Variants in KIF16B observed in about 807,000 individuals in gnomAD.
KIF16B encodes the protein kinesin family member 16B.
Under a neutral mutation model 156.3 loss-of-function variants are expected in KIF16B, and 98 were observed. The observed-to-expected ratio is 0.63, with a 90% CI of 0.53 to 0.74. The LOEUF (loss-of-function observed/expected upper bound fraction) is 0.74, where lower values mean the gene tolerates loss of function less well. Among genes scored for constraint, KIF16B ranks in the 30% least tolerant of loss-of-function variants. The probability of loss-of-function intolerance (pLI) is 0.00; values close to 1 mark genes in which losing one functional copy is unlikely to be tolerated. For missense variants in KIF16B, 1,421 were observed against 1,606.5 expected, an observed-to-expected ratio of 0.88 and a Z score of 1.97; for synonymous variants, 564 against 583.7, an observed-to-expected ratio of 0.97 and a Z score of 0.49.
intron 12 of KIF16B, among the ~76,000 whole-genome samples, chr20:16,444,491 T>G (rs555184525): frequency 1.3e-5 from 2 of 152,352 alleles, no homozygotes; most frequent in South Asian, 4.1e-4. Context: ...CATTTACAAA[T>G]TGCCTGCTGC....
chr20:16,350,299 C>T (rs1038472747), intron 23 of KIF16B, among the ~76,000 whole-genome samples: 1 of 152,168 alleles, frequency 6.6e-6, no homozygotes, highest in Non-Finnish European at 1.5e-5. Flanking sequence ...CGGAGCGTAG[C>T]CGGAATGCAG....
In KIF16B at chr20:16,378,825, GGCTTCCT is replaced by G; in HGVS notation, c.3170_3176del (p.Gln1057ProfsTer9). 6.2e-7 allele frequency: 1 copy of G among 1,610,948 alleles called. No homozygotes were observed. The highest frequency in any genetic ancestry group is 1.1e-5 in the South Asian group (1 of 90,476). Reference sequence around the variant, plus strand: ...CTCACCTCTCCTGGTCCTTCTCCAGGGCTTCCTGCTCAGCCTCCAGGCTAGCCTGGAG... The same window carrying G: ...CTCACCTCTCCTGGTCCTTCTCCAGGGCTCAGCCTCCAGGCTAGCCTGGAG... On this transcript the variant is annotated frameshift_variant, in exon 19 of 26. Transcript: ENST00000354981. LOFTEE classifies it high-confidence loss of function.
intron 12 of KIF16B, 111 bp downstream of exon 12, chr20:16,494,180 C>G: frequency 1.5e-6 from 1 of 670,370 alleles, no homozygotes; most frequent in Non-Finnish European, 2.6e-6. Context: ...TTCCAGTGAT[C>G]TTACCTTAAC....
rs551439962 is a variant in KIF16B, at chr20:16,405,740, T to C, written c.1695+634A>G. Among the ~76,000 whole-genome samples, 11 of 152,256 alleles carry C rather than the reference T, an allele frequency of 7.2e-5. No individual in the cohort carries two copies. In the East Asian group the frequency reaches 9.7e-4, roughly 13 times the overall value. ...AACGGCTGCTGCACAGATAAAGAGATAGAATATATGTACAAGTTTAGCACC... is the reference window on the plus strand; with the variant it reads ...AACGGCTGCTGCACAGATAAAGAGACAGAATATATGTACAAGTTTAGCACC... On this transcript the variant is annotated intron_variant, in intron 16 of 25. Transcript: ENST00000354981.
At chr20:16,486,503 C>A (rs1434972912) in intron 12 of KIF16B, among the ~76,000 whole-genome samples, 2 of 152,110 alleles carry the variant, frequency 1.3e-5, no homozygotes, top group Non-Finnish European at 2.9e-5. Flanking sequence ...TTTAAAATTA[C>A]AAAAATAAAT....
Position 16,346,440 on chromosome 20 carries a change from T to TTGTACAAGTA in KIF16B, c.3621+9889_3621+9890insTACTTGTACA, listed in dbSNP as rs1322440043. ...ATCACCGACAAGTACAGAAGGTGCC[T>TTGTACAAGTA]CAGAGCCTCAGGCTTGTGAACCTGG... On this transcript the variant is annotated intron_variant, in intron 23 of 25. Coordinates refer to ENST00000354981, the MANE Select transcript of KIF16B (RefSeq NM_024704.5). Among the ~76,000 whole-genome samples the TTGTACAAGTA allele has an allele frequency of 1.1e-4, 17 of 152,274 alleles. No homozygotes were observed. The East Asian group carries it at 3.1e-3, about 28-fold the overall frequency.
In KIF16B at chr20:16,561,843, C is replaced by A. The variant is rs553810680; in HGVS notation, c.47+11386G>T. Among the ~76,000 whole-genome samples the A allele has an allele frequency of 2.0e-5, 3 of 152,258 alleles. No homozygotes were observed. In the East Asian group the frequency reaches 5.8e-4, roughly 29 times the overall value. On this transcript the variant is annotated intron_variant, in intron 1 of 25. Coordinates refer to ENST00000354981, the MANE Select transcript of KIF16B (RefSeq NM_024704.5). ...GAGAACCATTCTAAAAAATAACTGA[C>A]CAGTACTCTTCAAAAATTAAGGTTA...
At chr20:16,282,973 G>A (rs1037203274) in intron 25 of KIF16B, among the ~76,000 whole-genome samples, 1 of 152,164 alleles carries the variant, frequency 6.6e-6, no homozygotes, top group African/African-American at 2.4e-5. Flanking sequence ...CCACTTGCCC[G>A]AAGGTACTTG....
intron 17 of KIF16B, among the ~76,000 whole-genome samples, chr20:16,391,314 T>C (rs1253587428): frequency 6.6e-6 from 1 of 152,136 alleles, no homozygotes; most frequent in Non-Finnish European, 1.5e-5. Flanking sequence ...CCCCTGCCCA[T>C]GAGTCCTCTA....
chr20:16,424,343 G>A (rs566397574), intron 15 of KIF16B, among the ~76,000 whole-genome samples: 4 of 152,144 alleles, frequency 2.6e-5, no homozygotes, highest in Admixed American at 1.3e-4. Flanking sequence ...CGTCTTTGAC[G>A]GACATTATGC....
chr20:16,380,650 T>C (rs1270265655), intron 18 of KIF16B, among the ~76,000 whole-genome samples: 1 of 152,216 alleles, frequency 6.6e-6, no homozygotes, highest in Non-Finnish European at 1.5e-5. Context: ...AAAAAATACA[T>C]ACTATTTAGC....
At chr20:16,298,278 A>G (rs2063420655) in intron 25 of KIF16B, among the ~76,000 whole-genome samples, 1 of 152,220 alleles carries the variant, frequency 6.6e-6, no homozygotes, top group Non-Finnish European at 1.5e-5. Flanking sequence ...ACCTTAACAA[A>G]AGAAGTCCAT....
In KIF16B at chr20:16,379,449, T is replaced by C. The variant is rs904263056; in HGVS notation, c.2553A>G (p.Lys851=). The part of the protein sequence containing the change: ...KDLVQQKDIL[K]KEVQEEQEIL... Reference sequence around the variant, plus strand: ...TCTCCTGTTCTTCTTGGACTTCTTTTTTCAGGATGTCTTTCTGCTGAACCA... The same window carrying C: ...TCTCCTGTTCTTCTTGGACTTCTTTCTTCAGGATGTCTTTCTGCTGAACCA... The change falls in exon 19 of 26, where the codon AAA becomes AAG. Residue 851 remains lysine, a synonymous_variant. Coordinates refer to ENST00000354981, the MANE Select transcript of KIF16B (RefSeq NM_024704.5). The C allele has an allele frequency of 1.9e-6, 3 of 1,613,644 alleles. No homozygotes were observed. Among genetic ancestry groups the C allele is most frequent in the African/African-American group, 2.7e-5 (2 of 74,884 alleles).
At chr20:16,279,438 A>T (rs8125494) in intron 25 of KIF16B, among the ~76,000 whole-genome samples, 29 of 152,168 alleles carry the variant, frequency 1.9e-4, no homozygotes, top group African/African-American at 6.3e-4. Context: ...CTAGGAGCGA[A>T]TGATTCCATC....
chr20:16,480,096 A>G (rs1397572651), intron 12 of KIF16B, among the ~76,000 whole-genome samples: 2 of 152,256 alleles, frequency 1.3e-5, no homozygotes, highest in East Asian at 3.9e-4. Flanking sequence ...GTTCCTGAAA[A>G]TCTGCCAAGC....
At chr20:16,536,316 G>T (rs527670224) in intron 1 of KIF16B, among the ~76,000 whole-genome samples, 17 of 152,118 alleles carry the variant, frequency 1.1e-4, no homozygotes, top group African/African-American at 4.1e-4. Flanking sequence ...AGAGTAGAAT[G>T]ATAGATATCA....
chr20:16,301,494 G>A (rs1347324045), intron 25 of KIF16B, among the ~76,000 whole-genome samples: 1 of 152,118 alleles, frequency 6.6e-6, no homozygotes, highest in Non-Finnish European at 1.5e-5. Context: ...CCAGCATTTG[G>A]TGCTGTTTAT....
intron 12 of KIF16B, among the ~76,000 whole-genome samples, chr20:16,487,261 AAG>A (rs1555785394): frequency 6.6e-6 from 1 of 151,952 alleles, no homozygotes; most frequent in Non-Finnish European, 1.5e-5. Context: ...CAAAAAAAAA[AAG>A]ATTAACTGCA....
chr20:16,369,959 G>A (rs2123293930), intron 22 of KIF16B, among the ~76,000 whole-genome samples: 1 of 152,296 alleles, frequency 6.6e-6, no homozygotes, highest in South Asian at 2.1e-4. Context: ...GGGTGTGGCT[G>A]CGGCCAAAGT....
Sources: allele counts gnomAD v4.1 joint callset (sites outside exome capture counted in the v4.1 genomes callset), GRCh38; gene constraint gnomAD v4.1.1; transcripts MANE v1.5; gene names NCBI Gene and HGNC (gene_info 2026-07-23, HGNC 2026-07-21).